XKR6: variants seen among roughly 807,000 people sequenced by gnomAD.
XKR6 encodes XK related 6.
A neutral mutation model predicts 56.7 loss-of-function variants in XKR6; 22 were observed. The observed-to-expected ratio is 0.39, with a 90% CI of 0.28 to 0.55. XKR6 has a LOEUF of 0.55. Ranked by LOEUF, XKR6 falls within the 20% of genes least tolerant of loss-of-function variation. The pLI, the probability that XKR6 is intolerant of heterozygous loss-of-function variation, is 0.66. For missense variants in XKR6, 852 were observed against 889.0 expected (o/e 0.96, Z 0.53); for synonymous variants, 524 against 387.8 (o/e 1.35, Z -4.13).
intron 1 of XKR6, among the ~76,000 whole-genome samples, chr8:11,198,906 C>G (rs959389695): frequency 8.5e-5 from 13 of 152,090 alleles, no homozygotes; most frequent in African/African-American, 3.1e-4. Flanking sequence ...GAAAACAACC[C>G]CCAGCCCCCG....
intron 1 of XKR6, among the ~76,000 whole-genome samples, chr8:11,046,594 A>G (rs975835411): frequency 6.6e-6 from 1 of 152,210 alleles, no homozygotes; most frequent in Non-Finnish European, 1.5e-5. Context: ...ATACAGCAGA[A>G]TATTTTTCAG....
At position 10,897,883 on chromosome 8, in the gene XKR6, T is replaced by C; in HGVS notation, c.*69A>G. ...TGTGTATTGGGGGAAGGGAGGGTTATATTTCTTGCAAGTGCTGTTTGCCGC... is the reference window on the plus strand; with the variant it reads ...TGTGTATTGGGGGAAGGGAGGGTTACATTTCTTGCAAGTGCTGTTTGCCGC... On this transcript the variant is annotated 3_prime_UTR_variant, in exon 3 of 3. Coordinates refer to ENST00000416569, the MANE Select transcript of XKR6 (RefSeq NM_173683.4). The C allele has an allele frequency of 6.6e-7, 1 of 1,508,588 alleles. No individual in the cohort carries two copies. The highest frequency in any genetic ancestry group is 2.2e-5 in the Admixed American group (1 of 45,248). The allele number at this position is 1,508,588 out of a possible 1,614,324, so 93.5% of individuals were successfully genotyped here.
chr8:11,051,894 A>G (rs1799558428), intron 1 of XKR6, among the ~76,000 whole-genome samples: 1 of 152,198 alleles, frequency 6.6e-6, no homozygotes, highest in African/African-American at 2.4e-5. Context: ...GGTTTGTTAC[A>G]TAGGTATACA....
intron 1 of XKR6, among the ~76,000 whole-genome samples, chr8:10,986,531 G>T (rs1278800268): frequency 6.6e-6 from 1 of 152,122 alleles, no homozygotes; most frequent in Non-Finnish European, 1.5e-5. Flanking sequence ...TACAAAAGAT[G>T]GTGGAATTCT....
chr8:11,096,575 C>A (rs1383305130), intron 1 of XKR6, among the ~76,000 whole-genome samples: 1 of 152,204 alleles, frequency 6.6e-6, no homozygotes, highest in African/African-American at 2.4e-5. Context: ...TACCATTGCA[C>A]TCCTCAGTGG....
At chr8:11,051,169 G>A (rs971352123) in intron 1 of XKR6, among the ~76,000 whole-genome samples, 1 of 151,772 alleles carries the variant, frequency 6.6e-6, no homozygotes, top group African/African-American at 2.4e-5. Flanking sequence ...CCCCCCATCT[G>A]CTAGACTCCT....
intron 2 of XKR6, among the ~76,000 whole-genome samples, chr8:10,906,562 C>T (rs1182988330): frequency 1.3e-5 from 2 of 152,200 alleles, no homozygotes; most frequent in African/African-American, 4.8e-5. Context: ...TGCGGTTTTG[C>T]CATTGTAATG....
intron 1 of XKR6, chr8:11,123,574 T>A (rs944209178): frequency 7.3e-6 from 2 of 275,688 alleles, no homozygotes; most frequent in African/African-American, 2.2e-5. Context: ...CTAATAGAAA[T>A]AATCATAATG....
chr8:11,042,451 TATAAAGGGC>T (rs1799309398), intron 1 of XKR6, among the ~76,000 whole-genome samples: 1 of 152,126 alleles, frequency 6.6e-6, no homozygotes. Flanking sequence ...CTGATGGTTT[TATAAAGGGC>T]AGTTCCCCTG....
intron 1 of XKR6, among the ~76,000 whole-genome samples, chr8:11,079,306 C>T (rs570456885): frequency 6.6e-6 from 1 of 152,346 alleles, no homozygotes; most frequent in South Asian, 2.1e-4. Context: ...TAAATAAACA[C>T]ATTTTGGCGC....
At position 11,187,480 on chromosome 8, in the gene XKR6, G is replaced by A. The variant is rs574152085; in HGVS notation, c.764+13096C>T. 2.0e-5 allele frequency among the ~76,000 whole-genome samples: 3 copies of A among 152,238 alleles called. No individual in the cohort carries two copies. In the South Asian group the frequency reaches 6.2e-4, roughly 32 times the overall value. ...CCGGGACATGGATTCCTTCCCACATGACTGGCAAAATGGGAATGACAACAG... is the reference window on the plus strand; with the variant it reads ...CCGGGACATGGATTCCTTCCCACATAACTGGCAAAATGGGAATGACAACAG... On this transcript the variant is annotated intron_variant, in intron 1 of 2. Transcript: ENST00000416569.
rs1355953823 is a variant in XKR6, at chr8:10,898,348, G to A, written c.1530C>T (p.Ser510=). Residue 510 remains serine (S), a synonymous_variant, in exon 3 of 3, where the codon AGC becomes AGT. Coordinates refer to ENST00000416569, the MANE Select transcript of XKR6 (RefSeq NM_173683.4). This position sits in a 1 kb window ranked among gnomAD's most constrained non-coding sequence, Gnocchi z 6.6. ...CCCAGAGCAGCTCGGCACAACAGGA[G>A]CTGGCAAGGATCTTAGCTCGTGGTC... ...PTGPRAKILA[S]SCCAELLWGI... 3 of 1,613,892 alleles carry A rather than the reference G, an allele frequency of 1.9e-6. No individual in the cohort carries two copies. Among genetic ancestry groups the A allele is most frequent in the South Asian group, 2.2e-5 (2 of 91,074 alleles).
chr8:11,154,251 T>C (rs1801399298), intron 1 of XKR6, among the ~76,000 whole-genome samples: 1 of 152,164 alleles, frequency 6.6e-6, no homozygotes, highest in South Asian at 2.1e-4. Flanking sequence ...GAGTTCAACT[T>C]TGTGGGCAAT....
At position 10,973,254 on chromosome 8, in the gene XKR6, T is replaced by C. The variant is rs115323807; in HGVS notation, c.765-48424A>G. ...CTAATGGGTCATATATGTCCCAGTG[T>C]CTTAGTTGGACAGAGAGAAAATGCC... On this transcript the variant is annotated intron_variant, in intron 1 of 2. Coordinates refer to ENST00000416569, the MANE Select transcript of XKR6 (RefSeq NM_173683.4). 1.3e-3 allele frequency among the ~76,000 whole-genome samples: 205 copies of C among 152,286 alleles called. 1 individual carries two copies. The highest frequency in any genetic ancestry group is 4.7e-3 in the African/African-American group (195 of 41,548).
intron 1 of XKR6, among the ~76,000 whole-genome samples, chr8:10,988,562 C>A (rs181470743): frequency 6.6e-6 from 1 of 152,280 alleles, no homozygotes; most frequent in East Asian, 1.9e-4. Context: ...AGTTCCATTC[C>A]ATGCAAGGTC....
At chr8:11,184,145 T>C in intron 1 of XKR6, among the ~76,000 whole-genome samples, 1 of 152,154 alleles carries the variant, frequency 6.6e-6, no homozygotes, top group African/African-American at 2.4e-5. Context: ...TGTTAAAGGT[T>C]TCAGAGTATA....
At chr8:10,981,318 G>C (rs1040177270) in intron 1 of XKR6, among the ~76,000 whole-genome samples, 1 of 152,204 alleles carries the variant, frequency 6.6e-6, no homozygotes, top group Admixed American at 6.5e-5. Flanking sequence ...AATAGTCCAT[G>C]TGTTTTCGGA....
chr8:11,198,185 AT>A (rs1282894392), intron 1 of XKR6, among the ~76,000 whole-genome samples: 1 of 152,234 alleles, frequency 6.6e-6, no homozygotes, highest in Non-Finnish European at 1.5e-5. Context: ...TAAAACAAGA[AT>A]TCCTCTAAAG....
intron 2 of XKR6, among the ~76,000 whole-genome samples, chr8:10,916,040 C>T (rs560027254): frequency 3.8e-4 from 58 of 152,212 alleles, no homozygotes; most frequent in Non-Finnish European, 6.9e-4. Context: ...GCTGAAAGCC[C>T]AGAGTGTTCC....
Sources: allele counts gnomAD v4.1 joint callset (sites outside exome capture counted in the v4.1 genomes callset), GRCh38; gene constraint gnomAD v4.1.1; non-coding constraint Gnocchi (gnomAD v3.1); transcripts MANE v1.5; gene names NCBI Gene and HGNC (gene_info 2026-07-23, HGNC 2026-07-21).